MAP2K4: variants seen among roughly 807,000 people sequenced by gnomAD.
MAP2K4 encodes mitogen-activated protein kinase kinase 4, also known as dual specificity mitogen-activated protein kinase kinase 4.
Under a neutral mutation model 48.5 loss-of-function variants are expected in MAP2K4, and 4 were observed. The observed-to-expected ratio is 0.08, with a 90% CI of 0.04 to 0.19. The LOEUF is 0.19. MAP2K4 is among the 10% of genes least tolerant of loss of function. The pLI is 1.00. For synonymous variants in MAP2K4, 166 were observed against 173.1 expected (o/e 0.96, Z 0.32); for missense variants, 258 against 493.3 (o/e 0.52, Z 4.52).
At chr17:12,106,959 T>C (rs1401609207) in intron 4 of MAP2K4, among the ~76,000 whole-genome samples, 3 of 152,132 alleles carry the variant, frequency 2.0e-5, no homozygotes, top group Non-Finnish European at 4.4e-5. Flanking sequence ...TTTTGTAATT[T>C]ATGGAACATT....
chr17:12,076,279 C>CTGTGTGTGTGTGTG lies in MAP2K4; in HGVS notation c.219-5043_219-5030dup, dbSNP rs372806903. Reference sequence around the variant, plus strand: ...TGTTCTGGGACATTATGTCACAGTTCTGTGTGTGTGTGTGTGTGTGTGTGT... The same window carrying CTGTGTGTGTGTGTG: ...TGTTCTGGGACATTATGTCACAGTTCTGTGTGTGTGTGTGTGTGTGTGTGTGTGTGTGTGTGTGT... On this transcript the variant is annotated intron_variant, in intron 2 of 10. Coordinates refer to ENST00000353533, the MANE Select transcript of MAP2K4 (RefSeq NM_003010.4). 1.4e-3 allele frequency among the ~76,000 whole-genome samples: 194 copies of CTGTGTGTGTGTGTG among 135,250 alleles called. 1 individual carries two copies. The highest frequency in any genetic ancestry group is 2.1e-3 in the Non-Finnish European group (132 of 63,196). 88.7% of individuals were successfully genotyped at this position (135,250 alleles called of 152,430 possible).
chr17:12,107,885 A>C lies in MAP2K4; in HGVS notation c.609A>C (p.Glu203Asp), dbSNP rs1040630581. Residue 203 changes from glutamate (E) to aspartate (D), a missense_variant, in exon 5 of 11, where the codon GAA becomes GAC. Physicochemically the swap from Glu to Asp is conservative, Grantham distance 45 (BLOSUM62 2). Transcript: ENST00000353533. ...YSVLDDVIPE[E>D]ILGKITLATV... Reference sequence around the variant, plus strand: ...TATTAGATGATGTTATTCCAGAAGAAATTTTAGGCAAAATCACTTTAGCAG... The same window carrying C: ...TATTAGATGATGTTATTCCAGAAGACATTTTAGGCAAAATCACTTTAGCAG... 6 of 1,597,764 alleles carry C rather than the reference A, an allele frequency of 3.8e-6. No homozygotes were observed. The highest frequency in any genetic ancestry group is 3.6e-5 in the Admixed American group (2 of 56,296).
chr17:12,049,311 T>C (rs756077814), intron 1 of MAP2K4, among the ~76,000 whole-genome samples: 1 of 152,218 alleles, frequency 6.6e-6, no homozygotes. Context: ...TATGAATGAC[T>C]TGTACACTGC....
At chr17:12,112,147 A>G (rs1010273787) in intron 6 of MAP2K4, among the ~76,000 whole-genome samples, 1 of 152,270 alleles carries the variant, frequency 6.6e-6, no homozygotes. Flanking sequence ...GAGATACTTC[A>G]ATAAAACACA....
intron 1 of MAP2K4, among the ~76,000 whole-genome samples, chr17:12,024,624 A>T (rs1969198878): frequency 6.6e-6 from 1 of 152,222 alleles, no homozygotes; most frequent in Admixed American, 6.5e-5. Flanking sequence ...TTTGCATTTG[A>T]GAGAGGAAAC....
chr17:12,110,504 A>G lies in MAP2K4; in HGVS notation c.685+78A>G. 3 of 1,008,680 alleles carry G rather than the reference A, an allele frequency of 3.0e-6. No homozygotes were observed. In the Admixed American group the frequency reaches 5.9e-5, roughly 20 times the overall value. 62.5% of individuals were successfully genotyped at this position (1,008,680 alleles called of 1,614,324 possible). A position where few individuals can be genotyped will look rare whatever the true frequency, so the allele number is the denominator to read the frequency against. ...TGGTGAAACGGTTATTGAAAATTAC[A>G]GTGTCACTGTATAAACTTTCCTAAA... is the stretch of plus-strand genomic sequence containing the variant. On this transcript the variant is annotated intron_variant, in intron 6 of 10. Transcript: ENST00000353533.
At chr17:12,130,337 A>G (rs930312401) in intron 9 of MAP2K4, among the ~76,000 whole-genome samples, 1 of 152,198 alleles carries the variant, frequency 6.6e-6, no homozygotes, top group African/African-American at 2.4e-5. Flanking sequence ...GGATGACTCA[A>G]ATTGGCTGCT....
rs141955812 is a variant in MAP2K4, at chr17:12,114,135, A to T, written c.813+775A>T. Among the ~76,000 whole-genome samples the T allele has an allele frequency of 1.2e-3, 188 of 152,278 alleles. 1 individual carries two copies. Among genetic ancestry groups the T allele is most frequent in the Non-Finnish European group, 1.8e-3 (122 of 68,028 alleles). Reference sequence around the variant, plus strand: ...TTTCCATCTTTGTAGACTGTTTTAAACTAAAGATAAGCTTAGAATTGAATA... The same window carrying T: ...TTTCCATCTTTGTAGACTGTTTTAATCTAAAGATAAGCTTAGAATTGAATA... On this transcript the variant is annotated intron_variant, in intron 7 of 10. Transcript: ENST00000353533.
At chr17:12,103,915 AAAT>A (rs1972025405) in intron 4 of MAP2K4, among the ~76,000 whole-genome samples, 1 of 152,068 alleles carries the variant, frequency 6.6e-6, no homozygotes, top group Non-Finnish European at 1.5e-5. Context: ...ATTTTTTTAG[AAAT>A]AATCATAATG....
intron 4 of MAP2K4, among the ~76,000 whole-genome samples, chr17:12,103,481 T>G (rs1340077461): frequency 6.6e-6 from 1 of 152,108 alleles, no homozygotes; most frequent in Non-Finnish European, 1.5e-5. Context: ...CTTAAGGTGG[T>G]CCATGTTCCT....
At chr17:12,108,597 T>C (rs1423040301) in intron 5 of MAP2K4, among the ~76,000 whole-genome samples, 1 of 152,094 alleles carries the variant, frequency 6.6e-6, no homozygotes, top group Non-Finnish European at 1.5e-5. Flanking sequence ...TTACTTTTTA[T>C]AGAGCAAAAT....
At chr17:12,083,786 G>T (rs532889345) in intron 3 of MAP2K4, among the ~76,000 whole-genome samples, 5 of 152,222 alleles carry the variant, frequency 3.3e-5, no homozygotes, top group African/African-American at 1.2e-4. Flanking sequence ...CCTCATTTAG[G>T]TACATTGACT....
At chr17:12,130,249 A>C (rs1972980541) in intron 9 of MAP2K4, among the ~76,000 whole-genome samples, 1 of 152,110 alleles carries the variant, frequency 6.6e-6, no homozygotes, top group East Asian at 1.9e-4. Context: ...ATCTTCTGTA[A>C]CCAAATTCTA....
At chr17:12,028,682 A>G (rs1258866694) in intron 1 of MAP2K4, among the ~76,000 whole-genome samples, 1 of 152,188 alleles carries the variant, frequency 6.6e-6, no homozygotes, top group African/African-American at 2.4e-5. Context: ...TTTTCTTTAC[A>G]TTAGTGTGGG....
At chr17:12,120,386 G>A (rs1189107359) in intron 7 of MAP2K4, among the ~76,000 whole-genome samples, 1 of 152,098 alleles carries the variant, frequency 6.6e-6, no homozygotes, top group Non-Finnish European at 1.5e-5. Context: ...CTTGAACCCA[G>A]GAGGCAGAAG....
chr17:12,040,715 G>A (rs1969751682), intron 1 of MAP2K4, among the ~76,000 whole-genome samples: 1 of 152,164 alleles, frequency 6.6e-6, no homozygotes, highest in Non-Finnish European at 1.5e-5. Flanking sequence ...TCAAAAGTCA[G>A]TTTGGTGAGG....
chr17:12,076,007 G>A (rs1970986881), intron 2 of MAP2K4, among the ~76,000 whole-genome samples: 1 of 151,846 alleles, frequency 6.6e-6, no homozygotes, highest in Non-Finnish European at 1.5e-5. Context: ...TTTTAGATTC[G>A]GTGTCTGGTT....
chr17:12,046,477 G>A (rs1969968346), intron 1 of MAP2K4, among the ~76,000 whole-genome samples: 1 of 152,136 alleles, frequency 6.6e-6, no homozygotes, highest in African/African-American at 2.4e-5. Context: ...TCATGACTTG[G>A]CCAGAGAGAT....
At chr17:12,058,564 C>A (rs1970355713) in intron 2 of MAP2K4, among the ~76,000 whole-genome samples, 1 of 152,150 alleles carries the variant, frequency 6.6e-6, no homozygotes, top group South Asian at 2.1e-4. Flanking sequence ...TGGAAAATTG[C>A]ATACCTACCC....
Sources: allele counts gnomAD v4.1 joint callset (sites outside exome capture counted in the v4.1 genomes callset), GRCh38; gene constraint gnomAD v4.1.1; transcripts MANE v1.5; gene names NCBI Gene and HGNC (gene_info 2026-07-23, HGNC 2026-07-21).